AUTS2: variants seen among roughly 807,000 people sequenced by gnomAD.
AUTS2 encodes activator of transcription and developmental regulator AUTS2.
AUTS2 carries 17 observed loss-of-function variants against 112.4 expected under a neutral mutation model. That is an observed-to-expected ratio of 0.15 (90% CI 0.10 to 0.23). The LOEUF is 0.23. AUTS2 is among the 10% of genes least tolerant of loss of function. The pLI, the probability that AUTS2 is intolerant of heterozygous loss-of-function variation, is 1.00. For missense variants in AUTS2, 1,510 were observed against 1,701.6 expected, an observed-to-expected ratio of 0.89 and a Z score of 1.98; for synonymous variants, 751 against 702.7, an observed-to-expected ratio of 1.07 and a Z score of -1.09.
chr7:70,787,313 A>G lies in AUTS2; in HGVS notation c.2413A>G (p.Thr805Ala). 6 of 1,614,068 alleles carry G rather than the reference A, an allele frequency of 3.7e-6. No homozygotes were observed. Among genetic ancestry groups the G allele is most frequent in the Non-Finnish European group, 5.1e-6 (6 of 1,180,000 alleles). The change falls in exon 18 of 19, where the codon ACC (threonine) becomes GCC (alanine). Residue 805 changes from threonine to alanine, a missense_variant. By Grantham distance (58) the Thr-to-Ala change is moderately conservative. Coordinates refer to ENST00000342771, the MANE Select transcript of AUTS2 (RefSeq NM_015570.4). ...GCACCGAACGCCTCCGTCGTTCCCG[A>G]CCCCTCCGCCCTGGCTGAAGCCAGG... ...RLHRTPPSFP[T>A]PPPWLKPGEL...
At chr7:70,095,259 T>A (rs558305936) in intron 2 of AUTS2, among the ~76,000 whole-genome samples, 1 of 150,360 alleles carries the variant, frequency 6.7e-6, no homozygotes, top group East Asian at 1.9e-4. Flanking sequence ...ATATTAAGAG[T>A]GTGTGTGTGT....
intron 2 of AUTS2, among the ~76,000 whole-genome samples, chr7:70,048,097 G>A (rs1054162091): frequency 6.6e-6 from 1 of 152,186 alleles, no homozygotes; most frequent in Admixed American, 6.5e-5. Flanking sequence ...CCTCTCCACT[G>A]TGCTTCTGGG....
chr7:70,334,727 T>A (rs1022134856), intron 4 of AUTS2, among the ~76,000 whole-genome samples: 1 of 152,230 alleles, frequency 6.6e-6, no homozygotes, highest in African/African-American at 2.4e-5. Flanking sequence ...TTTTTAATTT[T>A]GGTAGAAAAG....
At chr7:70,578,849 C>G (rs1802293024) in intron 5 of AUTS2, among the ~76,000 whole-genome samples, 1 of 152,010 alleles carries the variant, frequency 6.6e-6, no homozygotes, top group Non-Finnish European at 1.5e-5. Flanking sequence ...CTAGCTATAG[C>G]CAAACCAACA....
intron 4 of AUTS2, among the ~76,000 whole-genome samples, chr7:70,161,357 G>A (rs761344121): frequency 4.6e-5 from 7 of 151,470 alleles, no homozygotes; most frequent in Non-Finnish European, 1.0e-4. Context: ...TGTTAAATAT[G>A]CGACACTGGT....
intron 1 of AUTS2, among the ~76,000 whole-genome samples, chr7:69,876,363 T>C (rs1293192225): frequency 9.0e-6 from 1 of 111,556 alleles, no homozygotes; most frequent in African/African-American, 3.5e-5. Flanking sequence ...TATATATATA[T>C]ATATATATAT....
At chr7:69,914,372 C>T (rs1021833184) in intron 2 of AUTS2, among the ~76,000 whole-genome samples, 3 of 150,910 alleles carry the variant, frequency 2.0e-5, no homozygotes, top group African/African-American at 7.3e-5. Context: ...CACACACACA[C>T]ACACACACAC....
intron 5 of AUTS2, among the ~76,000 whole-genome samples, chr7:70,623,846 G>A (rs992750253): frequency 2.6e-5 from 4 of 152,062 alleles, no homozygotes; most frequent in Non-Finnish European, 5.9e-5. Flanking sequence ...CAACCTTTAC[G>A]CACTGTCAGA....
At chr7:70,392,897 A>G (rs1309376436) in intron 4 of AUTS2, among the ~76,000 whole-genome samples, 1 of 152,150 alleles carries the variant, frequency 6.6e-6, no homozygotes, top group East Asian at 1.9e-4. Context: ...CCCTATTCCT[A>G]GATGATGATG....
intron 2 of AUTS2, among the ~76,000 whole-genome samples, chr7:69,926,445 GTCTATCTA>G (rs10677736): frequency 0.013 from 1,632 of 123,142 alleles, 26 homozygotes; most frequent in South Asian, 0.056. Flanking sequence ...CTGTCTGTCT[GTCTATCTA>G]TCTATCTATC....
chr7:69,619,209 C>T (rs1793533205), intron 1 of AUTS2, among the ~76,000 whole-genome samples: 1 of 152,160 alleles, frequency 6.6e-6, no homozygotes, highest in East Asian at 1.9e-4. Context: ...ACTCTTCCCT[C>T]TTCAGCACCT....
chr7:69,616,861 A>G (rs1022711929), intron 1 of AUTS2, among the ~76,000 whole-genome samples: 2 of 152,058 alleles, frequency 1.3e-5, no homozygotes, highest in African/African-American at 4.8e-5. Flanking sequence ...ATACTTATGT[A>G]TTAGGATTAC....
Position 70,631,783 on chromosome 7 carries a change from T to C in AUTS2, c.691-66786T>C, listed in dbSNP as rs1008159368. ...CAAAATATCCTTGAATCAATACTGC[T>C]GCTTGACAGCATCTCCAGCCCCGCG... On this transcript the variant is annotated intron_variant, in intron 5 of 18. Coordinates refer to ENST00000342771, the MANE Select transcript of AUTS2 (RefSeq NM_015570.4). The surrounding 1 kb of genome is among the most constrained non-coding windows in gnomAD (Gnocchi z 4.5). Among the ~76,000 whole-genome samples the C allele has an allele frequency of 6.6e-6, 1 of 152,168 alleles. No individual in the cohort carries two copies. The highest frequency in any genetic ancestry group is 2.4e-5 in the African/African-American group (1 of 41,452).
At chr7:70,169,783 C>T (rs948778536) in intron 4 of AUTS2, among the ~76,000 whole-genome samples, 5 of 152,074 alleles carry the variant, frequency 3.3e-5, no homozygotes, top group African/African-American at 7.2e-5. Context: ...ATTGTCTTCA[C>T]GAGAAACATT....
At chr7:69,915,874 A>T (rs1415968745) in intron 2 of AUTS2, among the ~76,000 whole-genome samples, 2 of 152,116 alleles carry the variant, frequency 1.3e-5, no homozygotes, top group Non-Finnish European at 1.5e-5. Context: ...CTACAGGCGC[A>T]CACCACCACA....
At chr7:70,505,591 C>T (rs764879266) in intron 5 of AUTS2, among the ~76,000 whole-genome samples, 16 of 152,112 alleles carry the variant, frequency 1.1e-4, no homozygotes, top group East Asian at 1.9e-4. Flanking sequence ...CTTTGCCTCT[C>T]GATTAAAAGA....
chr7:70,312,340 CA>C (rs545527340), intron 4 of AUTS2, among the ~76,000 whole-genome samples: 93 of 152,026 alleles, frequency 6.1e-4, no homozygotes, highest in South Asian at 2.5e-3. Flanking sequence ...AGCCTCCCCC[CA>C]AATAAAAAAT....
chr7:69,630,984 C>T (rs1794206155), intron 1 of AUTS2, among the ~76,000 whole-genome samples: 1 of 151,568 alleles, frequency 6.6e-6, no homozygotes, highest in East Asian at 1.9e-4. Context: ...TTATCCACGT[C>T]TTGAGTAGAT....
In AUTS2 at chr7:69,984,546, G is replaced by A. The variant is rs544141537; in HGVS notation, c.522+85048G>A. ...CAGTGAGCATGCATTTTTTTTTACC[G>A]TCTTGATTGTATTATCATATTAGCT... On this transcript the variant is annotated intron_variant, in intron 2 of 18. Transcript: ENST00000342771. Among the ~76,000 whole-genome samples the A allele has an allele frequency of 2.6e-5, 4 of 151,510 alleles. No homozygotes were observed. The East Asian group carries it at 5.8e-4, about 22-fold the overall frequency.
Sources: allele counts gnomAD v4.1 joint callset (sites outside exome capture counted in the v4.1 genomes callset), GRCh38; gene constraint gnomAD v4.1.1; non-coding constraint Gnocchi (gnomAD v3.1); transcripts MANE v1.5; gene names NCBI Gene and HGNC (gene_info 2026-07-23, HGNC 2026-07-21).